The following ASAP2 variants were observed in gnomAD, a reference collection of about 807,000 sequenced individuals.
ASAP2 encodes ArfGAP with SH3 domain, ankyrin repeat and PH domain 2.
Under a neutral mutation model 131.4 loss-of-function variants are expected in ASAP2, and 45 were observed. That is an observed-to-expected ratio of 0.34 (90% CI 0.27 to 0.44). The LOEUF is 0.44. Among genes scored for constraint, ASAP2 ranks in the 20% least tolerant of loss-of-function variants. The pLI is 1.00. For synonymous variants in ASAP2, 510 were observed against 503.0 expected (o/e 1.01, Z -0.19); for missense variants, 1,011 against 1,297.0 (o/e 0.78, Z 3.39).
At chr2:9,317,937 A>G (rs1266039534) in intron 3 of ASAP2, among the ~76,000 whole-genome samples, 3 of 152,130 alleles carry the variant, frequency 2.0e-5, no homozygotes, top group Non-Finnish European at 4.4e-5. Flanking sequence ...ACACCTTTAC[A>G]CACCCACAAC....
rs558214336 is a variant in ASAP2, at chr2:9,317,746, TCA to T, written c.346-774_346-773del. ...ATCACATTCACACTCACATCCACAC[TCA>T]CACTCACATCCGTACACAATCACAC... is the stretch of plus-strand genomic sequence containing the variant. On this transcript the variant is annotated intron_variant, in intron 3 of 27. Coordinates refer to ENST00000281419, the MANE Select transcript of ASAP2 (RefSeq NM_003887.3). 1.5e-3 allele frequency among the ~76,000 whole-genome samples: 216 copies of T among 147,800 alleles called. 2 individuals carry two copies. The highest frequency in any genetic ancestry group is 4.7e-3 in the African/African-American group (189 of 40,012).
chr2:9,296,428 A>G (rs1000947251), intron 2 of ASAP2, among the ~76,000 whole-genome samples: 1 of 152,164 alleles, frequency 6.6e-6, no homozygotes, highest in African/African-American at 2.4e-5. Context: ...TCCAGCAGGG[A>G]TTGAGAACCA....
chr2:9,400,680 T>G (rs1001595265), intron 25 of ASAP2, 62 bp from the exon 26 acceptor site: 123 of 1,441,198 alleles, frequency 8.5e-5, no homozygotes, highest in Non-Finnish European at 1.2e-4. Flanking sequence ...GCTTGTACAT[T>G]GTTTACATCT....
intron 1 of ASAP2, among the ~76,000 whole-genome samples, chr2:9,222,309 C>T (rs1662479108): frequency 6.6e-6 from 1 of 152,174 alleles, no homozygotes; most frequent in African/African-American, 2.4e-5. Context: ...TCTTTAGTTG[C>T]AAAGGAAGTT....
intron 17 of ASAP2, 50 bp downstream of exon 17, chr2:9,374,994 C>T (rs749554920): frequency 8.8e-6 from 13 of 1,478,902 alleles, no homozygotes; most frequent in East Asian, 2.4e-5. Context: ...AGGCCGGCCA[C>T]GGTGGCTCAT....
intron 3 of ASAP2, among the ~76,000 whole-genome samples, chr2:9,316,312 GA>G (rs551734659): frequency 1.3e-5 from 2 of 151,042 alleles, no homozygotes; most frequent in African/African-American, 2.4e-5. Flanking sequence ...CAAAAAAAAA[GA>G]AAAAAAAATT....
intron 3 of ASAP2, among the ~76,000 whole-genome samples, chr2:9,304,041 G>A (rs1473544234): frequency 1.1e-4 from 17 of 152,154 alleles, no homozygotes; most frequent in Non-Finnish European, 1.5e-4. Flanking sequence ...GACATGTGCC[G>A]GGACAGCCAC....
At chr2:9,295,866 T>A (rs1668119523) in intron 2 of ASAP2, among the ~76,000 whole-genome samples, 1 of 152,214 alleles carries the variant, frequency 6.6e-6, no homozygotes, top group South Asian at 2.1e-4. Context: ...AAAGACATGG[T>A]GCTTCCCCCA....
chr2:9,363,144 C>T (rs994655078), intron 15 of ASAP2, among the ~76,000 whole-genome samples: 6 of 151,980 alleles, frequency 3.9e-5, no homozygotes, highest in Non-Finnish European at 7.4e-5. Flanking sequence ...TTTTTCAGGT[C>T]GAATAGTATT....
chr2:9,352,126 G>C (rs1672375341), intron 12 of ASAP2, among the ~76,000 whole-genome samples: 1 of 152,100 alleles, frequency 6.6e-6, no homozygotes, highest in African/African-American at 2.4e-5. Flanking sequence ...TACTCGGGAG[G>C]CTGAGGTAGG....
At position 9,392,909 on chromosome 2, in the gene ASAP2, T is replaced by G. The variant is rs113205990; in HGVS notation, c.2519-573T>G. 2.6e-5 allele frequency among the ~76,000 whole-genome samples: 4 copies of G among 152,190 alleles called. No homozygotes were observed. The highest frequency in any genetic ancestry group is 6.5e-5 in the Admixed American group (1 of 15,288). ...CCAGGTCTTACCAGCTCTGCCACCC[T>G]TGACGAGAGCTCTTCCCCTCCGTGG... On this transcript the variant is annotated intron_variant, in intron 23 of 27. Transcript: ENST00000281419. This position sits in a 1 kb window ranked among gnomAD's most constrained non-coding sequence, Gnocchi z 4.0.
chr2:9,272,819 C>T (rs1666491953), intron 1 of ASAP2, among the ~76,000 whole-genome samples: 1 of 152,104 alleles, frequency 6.6e-6, no homozygotes, highest in Admixed American at 6.5e-5. Flanking sequence ...TGTCCTTTCC[C>T]CAGTGTATGT....
At chr2:9,210,958 C>G (rs754257584) in intron 1 of ASAP2, among the ~76,000 whole-genome samples, 1 of 151,966 alleles carries the variant, frequency 6.6e-6, no homozygotes, top group Non-Finnish European at 1.5e-5. Flanking sequence ...GAGTTCGAAA[C>G]CAGCCTGACC....
chr2:9,236,197 T>C (rs1663541522), intron 1 of ASAP2, among the ~76,000 whole-genome samples: 1 of 151,946 alleles, frequency 6.6e-6, no homozygotes, highest in Admixed American at 6.6e-5. Flanking sequence ...TGTTTCCTGC[T>C]CTTGGTGGGC....
chr2:9,350,993 G>T, intron 12 of ASAP2, 98 bp downstream of exon 12: 1 of 952,130 alleles, frequency 1.1e-6, no homozygotes. Flanking sequence ...GGAAGAATTG[G>T]TTTTTGAAGA....
intron 1 of ASAP2, among the ~76,000 whole-genome samples, chr2:9,245,249 A>T (rs1329988310): frequency 6.6e-6 from 1 of 152,100 alleles, no homozygotes; most frequent in Non-Finnish European, 1.5e-5. Flanking sequence ...GGCTTTGTTG[A>T]GGAGGGTGTT....
chr2:9,296,592 C>T (rs1032713438), intron 2 of ASAP2, among the ~76,000 whole-genome samples: 5 of 152,252 alleles, frequency 3.3e-5, no homozygotes, highest in South Asian at 2.1e-4. Flanking sequence ...ACGACTTCGT[C>T]GAAGATGAAT....
chr2:9,214,495 C>T (rs1661853112), intron 1 of ASAP2, among the ~76,000 whole-genome samples: 1 of 152,100 alleles, frequency 6.6e-6, no homozygotes, highest in Non-Finnish European at 1.5e-5. Context: ...CCACCTCGGC[C>T]TCACAAAGTG....
intron 1 of ASAP2, among the ~76,000 whole-genome samples, chr2:9,254,352 AC>A (rs1664982308): frequency 1.6e-5 from 2 of 126,384 alleles, no homozygotes; most frequent in Non-Finnish European, 3.3e-5. Flanking sequence ...TATAAACTAA[AC>A]TTTTTTTTTT....
Sources: gnomAD v4.1 joint callset for allele counts (sites outside exome capture counted in the v4.1 genomes callset) on GRCh38, gnomAD v4.1.1 for gene constraint, Gnocchi (gnomAD v3.1) non-coding constraint, MANE v1.5 for transcripts, NCBI Gene and HGNC (gene_info 2026-07-23, HGNC 2026-07-21) for gene names.